The following FAM135B variants were observed in gnomAD, a reference collection of about 807,000 sequenced individuals.
The protein encoded by FAM135B is family with sequence similarity 135 member B.
FAM135B carries 43 observed loss-of-function variants against 127.7 expected under a neutral mutation model. The observed-to-expected ratio is 0.34, with a 90% confidence interval of 0.26 to 0.43. The LOEUF is 0.43. Ranked by LOEUF, FAM135B falls within the 20% of genes least tolerant of loss-of-function variation. The pLI is 1.00. For synonymous variants in FAM135B, 670 were observed against 665.1 expected, an observed-to-expected ratio of 1.01 and a Z score of -0.11; for missense variants, 1,558 against 1,725.6, an observed-to-expected ratio of 0.90 and a Z score of 1.72.
At chr8:138,153,632 A>G (rs1469157110) in intron 12 of FAM135B, among the ~76,000 whole-genome samples, 2 of 152,344 alleles carry the variant, frequency 1.3e-5, no homozygotes, top group African/African-American at 4.8e-5. Context: ...GCACACCAGG[A>G]GATTATATCC....
At chr8:138,440,664 A>T (rs1835708318) in intron 1 of FAM135B, 1 of 151,786 alleles carries the variant, frequency 6.6e-6, no homozygotes, top group South Asian at 2.1e-4. Context: ...TACTTTTTTG[A>T]CATGAGATAT....
chr8:138,488,680 G>GTT (rs1212653615), intron 1 of FAM135B, among the ~76,000 whole-genome samples: 6 of 152,020 alleles, frequency 3.9e-5, no homozygotes, highest in Non-Finnish European at 8.8e-5. Context: ...TTTGTTTGTT[G>GTT]TTTGTGAGAG....
At chr8:138,153,422 C>A (rs199944734) in intron 12 of FAM135B, among the ~76,000 whole-genome samples, 2 of 152,084 alleles carry the variant, frequency 1.3e-5, no homozygotes, top group East Asian at 1.9e-4. Context: ...GGTACCGGGT[C>A]CATCTCATTG....
chr8:138,335,677 G>C (rs56129304), intron 2 of FAM135B, among the ~76,000 whole-genome samples: 2 of 152,270 alleles, frequency 1.3e-5, no homozygotes, highest in South Asian at 2.1e-4. Flanking sequence ...ACACCCCACT[G>C]TCAACATTAG....
chr8:138,145,283 T>C (rs988173630), intron 15 of FAM135B, among the ~76,000 whole-genome samples: 2 of 152,194 alleles, frequency 1.3e-5, no homozygotes, highest in African/African-American at 4.8e-5. Flanking sequence ...CCCAAAATGC[T>C]GGGATTATAG....
intron 2 of FAM135B, among the ~76,000 whole-genome samples, chr8:138,315,832 A>C (rs1827046495): frequency 6.6e-6 from 1 of 152,198 alleles, no homozygotes; most frequent in Non-Finnish European, 1.5e-5. Context: ...GAAAGAGAGA[A>C]TAGGATGATA....
At chr8:138,416,803 A>G (rs1320831873) in intron 1 of FAM135B, among the ~76,000 whole-genome samples, 2 of 152,032 alleles carry the variant, frequency 1.3e-5, no homozygotes, top group African/African-American at 4.8e-5. Context: ...CAGAGAGTGA[A>G]TGGAGGGAGG....
intron 2 of FAM135B, among the ~76,000 whole-genome samples, chr8:138,360,023 G>A (rs537187812): frequency 6.6e-6 from 1 of 152,250 alleles, no homozygotes; most frequent in East Asian, 1.9e-4. Flanking sequence ...GATGAGAACA[G>A]AATTTCTCAG....
intron 2 of FAM135B, among the ~76,000 whole-genome samples, chr8:138,323,500 T>C (rs920688164): frequency 1.3e-5 from 2 of 152,218 alleles, no homozygotes; most frequent in Non-Finnish European, 2.9e-5. Flanking sequence ...ATTGTGGTTG[T>C]TAAAGCAGGC....
intron 1 of FAM135B, among the ~76,000 whole-genome samples, chr8:138,387,362 G>T (rs1400139621): frequency 6.6e-6 from 1 of 152,146 alleles, no homozygotes; most frequent in Non-Finnish European, 1.5e-5. Flanking sequence ...ACGCCTCCTA[G>T]TGCTGTGTGG....
At chr8:138,149,187 A>C (rs1005839622) in intron 13 of FAM135B, among the ~76,000 whole-genome samples, 4 of 151,788 alleles carry the variant, frequency 2.6e-5, no homozygotes, top group South Asian at 2.1e-4. Flanking sequence ...AAAACCAAAA[A>C]CAAAAAAACC....
chr8:138,207,812 T>C (rs1817820632), intron 7 of FAM135B, among the ~76,000 whole-genome samples: 1 of 152,184 alleles, frequency 6.6e-6, no homozygotes, highest in Non-Finnish European at 1.5e-5. Context: ...CTCAAAGGCG[T>C]CAATCTCCAT....
chr8:138,182,783 T>C (rs912374218), intron 9 of FAM135B, among the ~76,000 whole-genome samples: 1 of 152,228 alleles, frequency 6.6e-6, no homozygotes, highest in African/African-American at 2.4e-5. Context: ...AACCGCGCTC[T>C]CTCACTGGTC....
intron 2 of FAM135B, among the ~76,000 whole-genome samples, chr8:138,335,318 C>A (rs118078752): frequency 1.3e-5 from 2 of 152,156 alleles, no homozygotes; most frequent in African/African-American, 4.8e-5. Flanking sequence ...TCTCGCCCAG[C>A]ACCCTCATCA....
At chr8:138,441,769 G>C (rs956564454) in intron 1 of FAM135B, 1 of 150,394 alleles carries the variant, frequency 6.6e-6, no homozygotes, top group Non-Finnish European at 1.5e-5. Flanking sequence ...ATTCAAATTC[G>C]ATCATATGAG....
At chr8:138,154,309 G>A (rs62532125) in intron 12 of FAM135B, among the ~76,000 whole-genome samples, 23,390 of 151,906 alleles carry the variant, frequency 0.15, 2,223 homozygotes, top group African/African-American at 0.26. Flanking sequence ...AAAGACCAAA[G>A]GTAGATAAAA....
intron 1 of FAM135B, among the ~76,000 whole-genome samples, chr8:138,485,564 G>A (rs1814952784): frequency 6.6e-6 from 1 of 152,120 alleles, no homozygotes; most frequent in Non-Finnish European, 1.5e-5. Context: ...ATTCCTCATA[G>A]GTTGTGTATT....
chr8:138,266,319 A>G (rs1822919264), intron 3 of FAM135B, among the ~76,000 whole-genome samples: 1 of 151,948 alleles, frequency 6.6e-6, no homozygotes, highest in Admixed American at 6.6e-5. Flanking sequence ...TCATGAGAAC[A>G]CTCTGTCTTG....
chr8:138,212,945 A>G (rs546117859), intron 7 of FAM135B, among the ~76,000 whole-genome samples: 5 of 152,220 alleles, frequency 3.3e-5, no homozygotes, highest in African/African-American at 1.2e-4. Flanking sequence ...TTTTTAAAAA[A>G]AATTACTAGT....
Sources: allele counts gnomAD v4.1 joint callset (sites outside exome capture counted in the v4.1 genomes callset), GRCh38; gene constraint gnomAD v4.1.1; transcripts MANE v1.5; gene names NCBI Gene and HGNC (gene_info 2026-07-23, HGNC 2026-07-21).